The following NCOA2 variants were observed in gnomAD, a reference collection of about 807,000 sequenced individuals.
NCOA2 encodes nuclear receptor coactivator 2.
Under a neutral mutation model 145.1 loss-of-function variants are expected in NCOA2, and 21 were observed. That is an observed-to-expected ratio of 0.14 (90% CI 0.10 to 0.21). NCOA2 has a LOEUF of 0.21. Ranked by LOEUF, NCOA2 falls within the 10% of genes least tolerant of loss-of-function variation. The probability of loss-of-function intolerance (pLI) is 1.00; values close to 1 mark genes in which losing one functional copy is unlikely to be tolerated. For missense variants in NCOA2, 1,472 were observed against 1,837.6 expected, an observed-to-expected ratio of 0.80 and a Z score of 3.64; for synonymous variants, 619 against 637.5, an observed-to-expected ratio of 0.97 and a Z score of 0.44.
Position 70,126,888 on chromosome 8 carries a change from C to T in NCOA2, c.3841G>A (p.Gly1281Ser). 6.2e-7 allele frequency: 1 copy of T among 1,613,954 alleles called. No individual in the cohort carries two copies. Among genetic ancestry groups the T allele is most frequent in the Non-Finnish European group, 8.5e-7 (1 of 1,179,878 alleles). The change falls in exon 19 of 23, where the codon GGT (glycine) becomes AGT (serine). Residue 1281 changes from glycine to serine, a missense_variant. This residue lies in a region of NCOA2 where 232 missense variants were observed against 290.6 expected (regional missense o/e 0.80). Coordinates refer to ENST00000452400, the MANE Select transcript of NCOA2 (RefSeq NM_006540.4). ...NMTPSMVAPSGMPATMSNPRI... is the reference protein window; with the variant it reads ...NMTPSMVAPSSMPATMSNPRI... The stretch of plus-strand genomic sequence containing the variant: ...GGGTTGCTCATAGTTGCTGGCATAC[C>T]ACTAGGAGCCACCATGCTTGGTGTC...
At chr8:70,325,721 G>C (rs1347859265) in intron 1 of NCOA2, among the ~76,000 whole-genome samples, 4 of 152,112 alleles carry the variant, frequency 2.6e-5, no homozygotes, top group Admixed American at 1.3e-4. Context: ...CATCTTAACT[G>C]CAAGTTTTCA....
intron 13 of NCOA2, among the ~76,000 whole-genome samples, chr8:70,144,159 T>C (rs1465819490): frequency 1.3e-5 from 2 of 152,254 alleles, no homozygotes; most frequent in African/African-American, 2.4e-5. Context: ...TGAAAGCTAT[T>C]AGGCCAGGCA....
chr8:70,430,251 A>C, the NCOA2 span, among the ~76,000 whole-genome samples: 1 of 152,222 alleles, frequency 6.6e-6, no homozygotes, highest in Non-Finnish European at 1.5e-5. Flanking sequence ...AAGCTTTCCC[A>C]AAATTTTGAA....
the NCOA2 span, among the ~76,000 whole-genome samples, chr8:70,441,782 G>GAGAA: frequency 6.3e-3 from 874 of 139,394 alleles, 6 homozygotes; most frequent in African/African-American, 9.4e-3. Flanking sequence ...AAAGAAAGAA[G>GAGAA]AGAAAGAAAG....
chr8:70,346,647 G>A (rs1484762264), intron 1 of NCOA2, among the ~76,000 whole-genome samples: 2 of 152,184 alleles, frequency 1.3e-5, no homozygotes, highest in Non-Finnish European at 2.9e-5. Flanking sequence ...ATTCGCCAAT[G>A]CATTGCTGGT....
At position 70,301,560 on chromosome 8, in the gene NCOA2, T is replaced by C. The variant is rs190713584; in HGVS notation, c.-76-4760A>G. 4.3e-3 allele frequency among the ~76,000 whole-genome samples: 618 copies of C among 142,884 alleles called. 4 individuals carry two copies. The highest frequency in any genetic ancestry group is 0.015 in the African/African-American group (582 of 37,798). 93.7% of individuals were successfully genotyped at this position (142,884 alleles called of 152,430 possible). A position where few individuals can be genotyped will look rare whatever the true frequency, so the allele number is the denominator to read the frequency against. The stretch of plus-strand genomic sequence containing the variant: ...GTCTCAGATACTCATGAGGCTGGGA[T>C]GGGAGGATCACTTGAGCCTACGGAT... On this transcript the variant is annotated intron_variant, in intron 1 of 22. Coordinates refer to ENST00000452400, the MANE Select transcript of NCOA2 (RefSeq NM_006540.4).
chr8:70,443,622 A>G, the NCOA2 span, among the ~76,000 whole-genome samples: 2 of 152,240 alleles, frequency 1.3e-5, no homozygotes, highest in East Asian at 3.9e-4. Context: ...GTGCACTGGC[A>G]TGATCAGACC....
intron 2 of NCOA2, among the ~76,000 whole-genome samples, chr8:70,279,821 C>A (rs761900645): frequency 1.3e-5 from 2 of 152,148 alleles, no homozygotes; most frequent in African/African-American, 2.4e-5. Context: ...ACCTTCTCTG[C>A]CATGACGTAA....
intron 2 of NCOA2, among the ~76,000 whole-genome samples, chr8:70,231,944 C>T (rs1481312149): frequency 8.5e-5 from 13 of 152,186 alleles, no homozygotes; most frequent in Non-Finnish European, 2.9e-5. Flanking sequence ...CAAATCTGGT[C>T]ATCATTCTGA....
chr8:70,239,959 C>T (rs779578013), intron 2 of NCOA2, among the ~76,000 whole-genome samples: 3 of 152,192 alleles, frequency 2.0e-5, no homozygotes, highest in Non-Finnish European at 2.9e-5. Context: ...TCAACAAGTT[C>T]ATGATTCTCC....
chr8:70,170,147 G>C, intron 6 of NCOA2, 55 bp downstream of exon 6: 2 of 1,518,802 alleles, frequency 1.3e-6, no homozygotes, highest in South Asian at 1.2e-5. Flanking sequence ...GTGTGTATGA[G>C]GCAGGGCAGG....
intron 11 of NCOA2, 67 bp from the exon 12 acceptor site, chr8:70,148,550 A>G: frequency 6.8e-7 from 1 of 1,462,866 alleles, no homozygotes. Flanking sequence ...GCCCATTTGC[A>G]ATCACTGACC....
At chr8:70,145,152 C>CA (rs369896981) in intron 12 of NCOA2, among the ~76,000 whole-genome samples, 2 of 150,944 alleles carry the variant, frequency 1.3e-5, no homozygotes, top group African/African-American at 5.0e-5. Flanking sequence ...TTCATTCATT[C>CA]TCTCTCTCTC....
intron 14 of NCOA2, 58 bp downstream of exon 14, chr8:70,141,126 G>C (rs779239934): frequency 1.3e-6 from 2 of 1,490,866 alleles, no homozygotes; most frequent in Non-Finnish European, 1.8e-6. Flanking sequence ...AACTTATGAC[G>C]CTCTCTTTTC....
chr8:70,319,570 A>AT (rs58173515), intron 1 of NCOA2, among the ~76,000 whole-genome samples: 5 of 151,902 alleles, frequency 3.3e-5, no homozygotes, highest in African/African-American at 1.2e-4. Context: ...AAATAAATAA[A>AT]AGCTCTATTT....
At chr8:70,170,115 G>T in intron 6 of NCOA2, 87 bp downstream of exon 6, 3 of 1,246,228 alleles carry the variant, frequency 2.4e-6, no homozygotes, top group Non-Finnish European at 3.4e-6. Context: ...AGTTTTATTT[G>T]ATCCACTTCA....
At chr8:70,171,790 G>A (rs887779351) in intron 5 of NCOA2, among the ~76,000 whole-genome samples, 2 of 150,176 alleles carry the variant, frequency 1.3e-5, no homozygotes, top group Admixed American at 6.6e-5. Flanking sequence ...AGCCTCCTGA[G>A]TAGCTAGGAT....
chr8:70,150,113 A>G (rs1344536456), intron 11 of NCOA2, among the ~76,000 whole-genome samples: 1 of 152,242 alleles, frequency 6.6e-6, no homozygotes, highest in Non-Finnish European at 1.5e-5. Context: ...CTCAGAGACA[A>G]CTAGCTTAGC....
At chr8:70,422,873 G>A in the NCOA2 span, among the ~76,000 whole-genome samples, 24 of 151,402 alleles carry the variant, frequency 1.6e-4, no homozygotes, top group South Asian at 4.2e-4. Context: ...ATGTTGTTAC[G>A]TTTTCTTTTT....
Sources: gnomAD v4.1 joint callset for allele counts (sites outside exome capture counted in the v4.1 genomes callset) on GRCh38, gnomAD v4.1.1 for gene constraint, gnomAD v4.1.1 regional missense constraint, MANE v1.5 for transcripts, NCBI Gene and HGNC (gene_info 2026-07-23, HGNC 2026-07-21) for gene names.